Variants in SLC14A2 observed in about 807,000 individuals in gnomAD.
The protein encoded by SLC14A2 is solute carrier family 14 member 2, also known as urea transporter 2.
A neutral mutation model predicts 104.6 loss-of-function variants in SLC14A2; 91 were observed. The ratio of observed to expected loss-of-function variants is 0.87; its 90% CI spans 0.73 to 1.04. The LOEUF (loss-of-function observed/expected upper bound fraction) is 1.04, where lower values mean the gene tolerates loss of function less well. Among genes scored for constraint, SLC14A2 ranks in the 50% least tolerant of loss-of-function variants. The pLI is 0.00. For missense variants in SLC14A2, 1,189 were observed against 1,156.0 expected (o/e 1.03, Z -0.41); for synonymous variants, 476 against 466.4 (o/e 1.02, Z -0.27).
At position 45,644,176 on chromosome 18, in the gene SLC14A2, C is replaced by A; in HGVS notation, c.1351+16C>A. On this transcript the variant is annotated intron_variant, in intron 10 of 19. Coordinates refer to ENST00000255226, the MANE Select transcript of SLC14A2 (RefSeq NM_007163.4). Reference sequence around the variant, plus strand: ...GCCCCCAGCGGTGAATAGCCATGTTCGGGGAAGAAACGCTCTTTGCCTGAC... The same window carrying A: ...GCCCCCAGCGGTGAATAGCCATGTTAGGGGAAGAAACGCTCTTTGCCTGAC... The A allele has an allele frequency of 6.2e-7, 1 of 1,613,302 alleles. No homozygotes were observed. The highest frequency in any genetic ancestry group is 8.5e-7 in the Non-Finnish European group (1 of 1,179,388).
rs575542280 is a variant in SLC14A2, at chr18:45,626,641, CCCTTGGAATGCT to C, written c.332-314_332-303del. Among the ~76,000 whole-genome samples, 729 of 142,162 alleles carry C rather than the reference CCCTTGGAATGCT, an allele frequency of 5.1e-3. 2 individuals carry two copies. The highest frequency in any genetic ancestry group is 0.017 in the African/African-American group (689 of 39,580). 93.3% of individuals were successfully genotyped at this position (142,162 alleles called of 152,430 possible). ...CCCTTTCTTTTGGACCAATAAATTT[CCCTTGGAATGCT>C]CCCGGGGCTTCTTTTCCAACCAAGC... On this transcript the variant is annotated intron_variant, in intron 3 of 19. Coordinates refer to ENST00000255226, the MANE Select transcript of SLC14A2 (RefSeq NM_007163.4).
chr18:45,205,997 A>G, the SLC14A2 span, among the ~76,000 whole-genome samples: 1 of 152,188 alleles, frequency 6.6e-6, no homozygotes, highest in African/African-American at 2.4e-5. Flanking sequence ...AAGGCTCTCA[A>G]TGTACTGTGA....
At chr18:45,666,246 G>C in intron 12 of SLC14A2, 27 bp downstream of exon 12, 1 of 1,503,738 alleles carries the variant, frequency 6.7e-7, no homozygotes, top group Non-Finnish European at 9.3e-7. Context: ...CTGAATCAGG[G>C]ACAGCGCCCT....
At chr18:45,660,694 GGT>G (rs1252567447) in intron 10 of SLC14A2, among the ~76,000 whole-genome samples, 1 of 152,128 alleles carries the variant, frequency 6.6e-6, no homozygotes, top group East Asian at 1.9e-4. Flanking sequence ...AGTGACTTCT[GGT>G]TCCCACCAGT....
intron 1 of SLC14A2, among the ~76,000 whole-genome samples, chr18:45,321,870 G>A (rs78155974): frequency 6.6e-6 from 1 of 152,198 alleles, no homozygotes; most frequent in Non-Finnish European, 1.5e-5. Context: ...GTTTTGGCAT[G>A]TTCTGTCTGG....
intron 15 of SLC14A2, 106 bp from the exon 16 acceptor site, chr18:45,669,199 GC>G: frequency 1.1e-6 from 1 of 870,500 alleles, no homozygotes; most frequent in Non-Finnish European, 1.8e-6. Flanking sequence ...AGAATACCCA[GC>G]AGGCTGCTTT....
At position 45,644,040 on chromosome 18, in the gene SLC14A2, C is replaced by A. The variant is rs139770269; in HGVS notation, c.1231C>A (p.Leu411Ile). ...AFCLATIIFL[L>I]LTTNNPAIFR... ...CTGCCTTGCCACCATCATCTTCCTG[C>A]TCCTGACGACAAACAACCCAGCCAT... The change falls in exon 10 of 20, where the codon CTC becomes ATC. Residue 411 changes from leucine (L) to isoleucine (I), a missense_variant. Physicochemically the swap from Leu to Ile is conservative, Grantham distance 5. Transcript: ENST00000255226. The A allele has an allele frequency of 6.2e-7, 1 of 1,614,232 alleles. No individual in the cohort carries two copies. Among genetic ancestry groups the A allele is most frequent in the Non-Finnish European group, 8.5e-7 (1 of 1,180,024 alleles).
rs181133671 is a variant in SLC14A2, at chr18:45,674,503, C to T, written c.2512+686C>T. On this transcript the variant is annotated intron_variant, in intron 18 of 19. Transcript: ENST00000255226. ...CTTTTGCATTTTATGACAGTGACTA[C>T]GAACTCTAAACAAGATACGAAGGGT... is the stretch of plus-strand genomic sequence containing the variant. Among the ~76,000 whole-genome samples the T allele has an allele frequency of 2.2e-3, 335 of 152,050 alleles. 3 individuals are homozygous for T. Among genetic ancestry groups the T allele is most frequent in the African/African-American group, 7.7e-3 (318 of 41,466 alleles).
chr18:45,327,940 AAAAAT>A (rs1319834872), intron 1 of SLC14A2, among the ~76,000 whole-genome samples: 1 of 152,190 alleles, frequency 6.6e-6, no homozygotes, highest in African/African-American at 2.4e-5. Context: ...TCTCTGAACT[AAAAAT>A]GAGAAGGACA....
intron 1 of SLC14A2, among the ~76,000 whole-genome samples, chr18:45,405,776 G>A (rs1012091259): frequency 6.6e-6 from 1 of 151,762 alleles, no homozygotes; most frequent in Non-Finnish European, 1.5e-5. Context: ...GCACACACCT[G>A]TAATCCCAGC....
At chr18:45,383,660 G>A (rs148633867) in intron 1 of SLC14A2, among the ~76,000 whole-genome samples, 54 of 152,242 alleles carry the variant, frequency 3.5e-4, no homozygotes, top group African/African-American at 1.2e-3. Context: ...GCCTCCAGGT[G>A]TTCATATCCT....
chr18:45,386,374 T>A (rs1158881799), intron 1 of SLC14A2, among the ~76,000 whole-genome samples: 1 of 152,178 alleles, frequency 6.6e-6, no homozygotes, highest in Non-Finnish European at 1.5e-5. Flanking sequence ...GGAACTCTGA[T>A]TTCTGCAGTA....
At chr18:45,179,579 T>G in the SLC14A2 span, among the ~76,000 whole-genome samples, 8 of 152,176 alleles carry the variant, frequency 5.3e-5, no homozygotes, top group African/African-American at 1.9e-4. Context: ...AACATCCAGC[T>G]GACATCAGAC....
intron 2 of SLC14A2, among the ~76,000 whole-genome samples, chr18:45,565,165 C>A: frequency 6.7e-6 from 1 of 149,646 alleles, no homozygotes. Context: ...TGCTCTGTCG[C>A]CCAGGCTGAA....
intron 1 of SLC14A2, among the ~76,000 whole-genome samples, chr18:45,269,163 T>C (rs1439789797): frequency 1.3e-5 from 2 of 152,030 alleles, no homozygotes; most frequent in Admixed American, 1.3e-4. Flanking sequence ...CCCCTTTCAT[T>C]TTCACTGCTA....
chr18:45,264,729 C>A (rs917440396), intron 1 of SLC14A2, among the ~76,000 whole-genome samples: 4 of 152,104 alleles, frequency 2.6e-5, no homozygotes, highest in Admixed American at 2.6e-4. Context: ...ATGGAGGAAA[C>A]GGCCTCCATG....
intron 2 of SLC14A2, among the ~76,000 whole-genome samples, chr18:45,522,105 T>G (rs2043525662): frequency 6.6e-6 from 1 of 152,204 alleles, no homozygotes. Flanking sequence ...ACCTTCAGTT[T>G]GCACATCATA....
intron 1 of SLC14A2, among the ~76,000 whole-genome samples, chr18:45,357,479 G>A (rs2085567240): frequency 1.3e-5 from 2 of 152,068 alleles, no homozygotes; most frequent in Non-Finnish European, 2.9e-5. Context: ...GCTGGGCGTG[G>A]TGGCACATGC....
intron 1 of SLC14A2, among the ~76,000 whole-genome samples, chr18:45,269,743 A>C (rs976488598): frequency 6.6e-6 from 1 of 152,170 alleles, no homozygotes; most frequent in African/African-American, 2.4e-5. Context: ...CACCAGGATA[A>C]AGGGGGGAAC....
Sources: gnomAD v4.1 joint callset for allele counts (sites outside exome capture counted in the v4.1 genomes callset) on GRCh38, gnomAD v4.1.1 for gene constraint, MANE v1.5 for transcripts, NCBI Gene and HGNC (gene_info 2026-07-23, HGNC 2026-07-21) for gene names.